The following EGLN1 variants were observed in gnomAD, a reference collection of about 807,000 sequenced individuals.
EGLN1 encodes the protein egl nine homolog 1.
EGLN1 carries 17 observed loss-of-function variants against 38.3 expected under a neutral mutation model. The ratio of observed to expected loss-of-function variants is 0.44; its 90% CI spans 0.30 to 0.67. The LOEUF is 0.67. EGLN1 is among the 30% of genes least tolerant of loss of function. The probability of loss-of-function intolerance (pLI) is 0.08; values close to 1 mark genes in which losing one functional copy is unlikely to be tolerated. For synonymous variants in EGLN1, 283 were observed against 257.5 expected (o/e 1.10, Z -0.95); for missense variants, 477 against 603.3 (o/e 0.79, Z 2.19).
At chr1:231,366,579 C>G (rs771995781) in intron 4 of EGLN1, 104 bp from the exon 5 acceptor site, 9 of 1,155,948 alleles carry the variant, frequency 7.8e-6, no homozygotes, top group Admixed American at 2.0e-5. Context: ...AATATTTCAA[C>G]TTTGCAAACA....
rs139707934 is a variant in EGLN1, at chr1:231,421,118, G to A, written c.771C>T (p.Thr257=). The change falls in exon 1 of 5, where the codon ACC becomes ACT. Residue 257 remains threonine (T), a synonymous_variant. Coordinates refer to ENST00000366641, the MANE Select transcript of EGLN1 (RefSeq NM_022051.3). The surrounding 1 kb of genome is among the most constrained non-coding windows in gnomAD (Gnocchi z 5.5). Reference sequence around the variant, plus strand: ...AGCCGGGCTCCTTGCCCTCGATCCAGGTGATCTTATCGCCTCGGATGTCCT... The same window carrying A: ...AGCCGGGCTCCTTGCCCTCGATCCAAGTGATCTTATCGCCTCGGATGTCCT... ...SSKDIRGDKI[T]WIEGKEPGCE... 1.2e-6 allele frequency: 2 copies of A among 1,614,088 alleles called. No individual in the cohort carries two copies. The highest frequency in any genetic ancestry group is 8.5e-7 in the Non-Finnish European group (1 of 1,180,040).
chr1:231,366,381 G>A lies in EGLN1; in HGVS notation c.*30C>T, dbSNP rs888434377. 1.9e-6 allele frequency: 3 copies of A among 1,606,660 alleles called. No individual in the cohort carries two copies. The highest frequency in any genetic ancestry group is 1.3e-5 in the African/African-American group (1 of 74,708). On this transcript the variant is annotated 3_prime_UTR_variant, in exon 5 of 5. Transcript: ENST00000366641. ...TAACAAATAGTTAACAATATTGTAG[G>A]TGAAGTGGGGTATTGCTGGATCAAA...
chr1:231,408,564 A>C (rs1352198716), intron 1 of EGLN1, among the ~76,000 whole-genome samples: 1 of 152,206 alleles, frequency 6.6e-6, no homozygotes, highest in African/African-American at 2.4e-5. Flanking sequence ...AGTGTGTAAC[A>C]ATCCAGATAG....
chr1:231,422,041 C>G lies in EGLN1; in HGVS notation c.-153G>C. ...CCTCGCCTCAGGGAGGCCGGCACCC[C>G]ACGCCCTCGGCCCGGCCGCTTCCGA... On this transcript the variant is annotated 5_prime_UTR_variant, in exon 1 of 5. Transcript: ENST00000366641. 1 of 825,712 alleles carries G rather than the reference C, an allele frequency of 1.2e-6. No individual in the cohort carries two copies. The highest frequency in any genetic ancestry group is 1.7e-6 in the Non-Finnish European group (1 of 604,192). The allele number at this position is 825,712 out of a possible 1,614,324, so 51.1% of individuals were successfully genotyped here.
chr1:231,409,130 A>C (rs1688865348), intron 1 of EGLN1, among the ~76,000 whole-genome samples: 1 of 152,102 alleles, frequency 6.6e-6, no homozygotes, highest in Non-Finnish European at 1.5e-5. Context: ...CAAAATTTTC[A>C]AACTGATAAA....
chr1:231,372,231 T>A (rs904574082), intron 2 of EGLN1, among the ~76,000 whole-genome samples: 1 of 152,242 alleles, frequency 6.6e-6, no homozygotes, highest in Non-Finnish European at 1.5e-5. Context: ...TGTCAATCTT[T>A]CTGATCTGTA....
At chr1:231,396,030 CT>C (rs148444490) in intron 1 of EGLN1, among the ~76,000 whole-genome samples, 71,774 of 141,128 alleles carry the variant, frequency 0.51, 20,173 homozygotes, top group Non-Finnish European at 0.63. Context: ...TACCCCACTC[CT>C]TTAAAAAGAA....
In EGLN1 at chr1:231,375,991, T is replaced by C. The variant is rs528266591; in HGVS notation, c.892-1892A>G. On this transcript the variant is annotated intron_variant, in intron 1 of 4. Coordinates refer to ENST00000366641, the MANE Select transcript of EGLN1 (RefSeq NM_022051.3). ...CTTGTGTAAAGAAGGAAGGGGAAAA[T>C]ATTTGTCAGTCACTCACCCCATCAC... 2.0e-5 allele frequency among the ~76,000 whole-genome samples: 3 copies of C among 152,202 alleles called. No homozygotes were observed. The South Asian group carries it at 6.2e-4, about 32-fold the overall frequency.
chr1:231,416,882 T>G (rs952680850), intron 1 of EGLN1, among the ~76,000 whole-genome samples: 5 of 152,240 alleles, frequency 3.3e-5, no homozygotes, highest in Non-Finnish European at 7.3e-5. Flanking sequence ...AACTCACTTT[T>G]AACTTAAATT....
At chr1:231,411,044 T>C (rs915766475) in intron 1 of EGLN1, among the ~76,000 whole-genome samples, 1 of 151,918 alleles carries the variant, frequency 6.6e-6, no homozygotes, top group African/African-American at 2.4e-5. Context: ...TAGAGGAAAA[T>C]TGGAAATATC....
intron 1 of EGLN1, among the ~76,000 whole-genome samples, chr1:231,392,013 C>G (rs575987369): frequency 1.3e-5 from 2 of 152,314 alleles, no homozygotes; most frequent in African/African-American, 4.8e-5. Flanking sequence ...ACAGGCTGGG[C>G]GCGGTGGCTC....
intron 1 of EGLN1, among the ~76,000 whole-genome samples, chr1:231,407,137 T>C (rs1297096919): frequency 6.6e-6 from 1 of 152,126 alleles, no homozygotes; most frequent in Admixed American, 6.5e-5. Flanking sequence ...ATAAAAATGT[T>C]TGAATGTGTG....
At chr1:231,381,828 C>A (rs1453694976) in intron 1 of EGLN1, among the ~76,000 whole-genome samples, 2 of 152,152 alleles carry the variant, frequency 1.3e-5, no homozygotes, top group Non-Finnish European at 2.9e-5. Flanking sequence ...TCTTAGATTC[C>A]CAAGCAGGGC....
At chr1:231,385,574 G>T (rs1421734817) in intron 1 of EGLN1, among the ~76,000 whole-genome samples, 13 of 152,222 alleles carry the variant, frequency 8.5e-5, no homozygotes, top group Non-Finnish European at 5.9e-5. Context: ...CAAGGAATGT[G>T]ACAGGTAAGG....
intron 1 of EGLN1, among the ~76,000 whole-genome samples, chr1:231,414,592 A>C (rs1363880304): frequency 6.6e-6 from 1 of 152,312 alleles, no homozygotes; most frequent in East Asian, 1.9e-4. Flanking sequence ...ATTAGGTAGG[A>C]GAAAAATTTA....
At chr1:231,401,947 C>T in intron 1 of EGLN1, among the ~76,000 whole-genome samples, 1 of 152,134 alleles carries the variant, frequency 6.6e-6, no homozygotes. Flanking sequence ...ATGAGGATTG[C>T]ACATGTTCCA....
chr1:231,373,099 G>A (rs1033542045), intron 2 of EGLN1, among the ~76,000 whole-genome samples: 1 of 152,058 alleles, frequency 6.6e-6, no homozygotes, highest in African/African-American at 2.4e-5. Context: ...TAAATTTAAT[G>A]AGACTCAGGC....
intron 1 of EGLN1, among the ~76,000 whole-genome samples, chr1:231,397,702 C>G (rs2491411): frequency 0.55 from 82,908 of 152,018 alleles, 24,225 homozygotes; most frequent in Non-Finnish European, 0.65. Flanking sequence ...CACAGTTCTA[C>G]AGAAGGTATT....
intron 1 of EGLN1, among the ~76,000 whole-genome samples, chr1:231,389,414 A>ATTTT (rs560952302): frequency 3.3e-4 from 50 of 150,862 alleles, no homozygotes; most frequent in Middle Eastern, 3.6e-3. Flanking sequence ...ATGAAAAAAA[A>ATTTT]TTTTTTTTTA....
Sources: allele counts gnomAD v4.1 joint callset (sites outside exome capture counted in the v4.1 genomes callset), GRCh38; gene constraint gnomAD v4.1.1; non-coding constraint Gnocchi (gnomAD v3.1); transcripts MANE v1.5; gene names NCBI Gene and HGNC (gene_info 2026-07-23, HGNC 2026-07-21).